THEMIS: variants seen among roughly 807,000 people sequenced by gnomAD.
THEMIS encodes the protein thymocyte selection associated, also known as protein THEMIS.
Under a neutral mutation model 52.6 loss-of-function variants are expected in THEMIS, and 37 were observed. The observed-to-expected ratio is 0.70, with a 90% CI of 0.54 to 0.93. The LOEUF is 0.93. Ranked by LOEUF, THEMIS falls within the 40% of genes least tolerant of loss-of-function variation. The pLI is 0.00. For synonymous variants in THEMIS, 292 were observed against 272.7 expected (o/e 1.07, Z -0.70); for missense variants, 808 against 763.1 (o/e 1.06, Z -0.69).
At chr6:127,809,723 T>C (rs951725506) in intron 4 of THEMIS, among the ~76,000 whole-genome samples, 2 of 151,760 alleles carry the variant, frequency 1.3e-5, no homozygotes, top group African/African-American at 2.4e-5. Flanking sequence ...TGTTCCAACA[T>C]ATTACACCAA....
intron 4 of THEMIS, among the ~76,000 whole-genome samples, chr6:127,784,236 G>T (rs1197758222): frequency 6.6e-6 from 1 of 152,134 alleles, no homozygotes; most frequent in African/African-American, 2.4e-5. Flanking sequence ...GGGCCTGTTG[G>T]TGAGTGGAGG....
In THEMIS at chr6:127,829,741, T is replaced by C. The variant is rs1480233302; in HGVS notation, c.444A>G (p.Ile148Met). 3 of 1,614,122 alleles carry C rather than the reference T, an allele frequency of 1.9e-6. No homozygotes were observed. The highest frequency in any genetic ancestry group is 2.5e-6 in the Non-Finnish European group (3 of 1,180,010). ...TCCTTGCTACTGCACAGCTCACCAT[T>C]ATTTCTCCATCAATCTCTTCAACTG... ...LNSVEEIDGE[I>M]MVSCAVARNH... The change falls in exon 3 of 6, where the codon ATA (isoleucine) becomes ATG (methionine). Residue 148 changes from isoleucine to methionine, a missense_variant. Physicochemically the swap from Ile to Met is conservative, Grantham distance 10. Transcript: ENST00000368248.
chr6:127,781,173 T>C (rs553431426), intron 4 of THEMIS, among the ~76,000 whole-genome samples: 1 of 152,002 alleles, frequency 6.6e-6, no homozygotes, highest in Non-Finnish European at 1.5e-5. Context: ...TTTCTTCTGC[T>C]TGATCGGTTT....
chr6:127,791,543 A>C (rs1344247774), intron 4 of THEMIS, among the ~76,000 whole-genome samples: 2 of 151,840 alleles, frequency 1.3e-5, no homozygotes, highest in Non-Finnish European at 2.9e-5. Flanking sequence ...TTAAGTTCTC[A>C]CTCCATGGCA....
intron 3 of THEMIS, among the ~76,000 whole-genome samples, chr6:127,825,990 G>A (rs891236262): frequency 2.0e-5 from 3 of 152,170 alleles, no homozygotes; most frequent in African/African-American, 7.2e-5. Flanking sequence ...AAATATTAAT[G>A]CTTAGCCATA....
intron 4 of THEMIS, among the ~76,000 whole-genome samples, chr6:127,742,686 A>G (rs1775250348): frequency 6.6e-6 from 1 of 152,176 alleles, no homozygotes; most frequent in Admixed American, 6.5e-5. Context: ...AAAGATTGTT[A>G]TGATGTCACT....
chr6:127,810,114 G>A (rs1478448276), intron 4 of THEMIS, among the ~76,000 whole-genome samples: 3 of 151,970 alleles, frequency 2.0e-5, no homozygotes, highest in Non-Finnish European at 1.5e-5. Context: ...TAGGCGTAAT[G>A]TTGTTCTGTG....
At chr6:127,876,478 G>A (rs1056188893) in intron 1 of THEMIS, among the ~76,000 whole-genome samples, 1 of 152,146 alleles carries the variant, frequency 6.6e-6, no homozygotes, top group African/African-American at 2.4e-5. Flanking sequence ...TTCAACAATT[G>A]TTTGCATACA....
upstream of THEMIS, among the ~76,000 whole-genome samples, chr6:127,905,609 T>A (rs905956844): frequency 1.3e-5 from 2 of 152,034 alleles, no homozygotes; most frequent in African/African-American, 4.8e-5. Flanking sequence ...CCCAAAACAA[T>A]AATTAATGGC....
intron 1 of THEMIS, among the ~76,000 whole-genome samples, chr6:127,913,171 A>G (rs1353233608): frequency 6.6e-6 from 1 of 152,208 alleles, no homozygotes; most frequent in Non-Finnish European, 1.5e-5. Flanking sequence ...AGAGCAGAGC[A>G]TCAAGTAATC....
At chr6:127,885,921 C>A (rs907421105) in intron 1 of THEMIS, among the ~76,000 whole-genome samples, 6 of 152,034 alleles carry the variant, frequency 3.9e-5, no homozygotes, top group African/African-American at 1.4e-4. Context: ...AGTTCTACCA[C>A]TAGATTAGGT....
intron 1 of THEMIS, among the ~76,000 whole-genome samples, chr6:127,886,248 C>G (rs1379900975): frequency 1.3e-5 from 2 of 152,100 alleles, no homozygotes; most frequent in African/African-American, 4.8e-5. Context: ...TAAATGGATT[C>G]ATAGTTAGGT....
At chr6:127,899,636 G>A (rs576853560) in intron 1 of THEMIS, among the ~76,000 whole-genome samples, 14 of 151,700 alleles carry the variant, frequency 9.2e-5, no homozygotes, top group South Asian at 6.2e-4. Flanking sequence ...ATATGAAACC[G>A]TAAAGTTGAT....
chr6:127,733,610 C>A (rs916255497), intron 4 of THEMIS, among the ~76,000 whole-genome samples: 1 of 152,154 alleles, frequency 6.6e-6, no homozygotes, highest in African/African-American at 2.4e-5. Flanking sequence ...CAGGTACCAG[C>A]TTTACGAGAA....
At chr6:127,706,132 A>C (rs1773794051), downstream of THEMIS, among the ~76,000 whole-genome samples, 1 of 152,138 alleles carries the variant, frequency 6.6e-6, no homozygotes, top group Admixed American at 6.6e-5. Context: ...GTGGGAAAGA[A>C]AGAAAACTCA....
intron 5 of THEMIS, among the ~76,000 whole-genome samples, chr6:127,712,613 T>A (rs1043950966): frequency 2.0e-5 from 3 of 151,932 alleles, no homozygotes; most frequent in Admixed American, 6.6e-5. Context: ...ACTCAGTTGA[T>A]CAGACTAACT....
At chr6:127,871,952 G>C (rs144883495) in intron 1 of THEMIS, among the ~76,000 whole-genome samples, 1 of 152,234 alleles carries the variant, frequency 6.6e-6, no homozygotes, top group East Asian at 1.9e-4. Flanking sequence ...AGCTAGTGAA[G>C]CTAGTATTGC....
At chr6:127,717,402 T>C (rs892681528) in intron 5 of THEMIS, among the ~76,000 whole-genome samples, 1 of 151,948 alleles carries the variant, frequency 6.6e-6, no homozygotes, top group Non-Finnish European at 1.5e-5. Flanking sequence ...GAGAACTTTT[T>C]TTTAAGTAAT....
chr6:127,806,841 C>G (rs955088569), intron 4 of THEMIS, among the ~76,000 whole-genome samples: 2 of 152,196 alleles, frequency 1.3e-5, no homozygotes, highest in African/African-American at 4.8e-5. Flanking sequence ...CCATTGGGCA[C>G]AGATTTGTAC....
Sources: gnomAD v4.1 joint callset for allele counts (sites outside exome capture counted in the v4.1 genomes callset) on GRCh38, gnomAD v4.1.1 for gene constraint, MANE v1.5 for transcripts, NCBI Gene and HGNC (gene_info 2026-07-23, HGNC 2026-07-21) for gene names.